The following C6orf141 variants were observed in gnomAD, a reference collection of about 807,000 sequenced individuals.
The protein encoded by C6orf141 is chromosome 6 open reading frame 141.
For synonymous variants in C6orf141, 164 were observed against 140.5 expected, an observed-to-expected ratio of 1.17 and a Z score of -1.18; for missense variants, 361 against 335.8, an observed-to-expected ratio of 1.07 and a Z score of -0.59.
chr6:49,551,620 C>T lies in C6orf141; in HGVS notation c.*93C>T. ...GGAGCTCCAACCTGCAATTAACCTA[C>T]AGAAGGAACCTTTTGAGAGGCTGGT... is the stretch of plus-strand genomic sequence containing the variant. On this transcript the variant is annotated 3_prime_UTR_variant, in exon 1 of 1. Coordinates refer to ENST00000529246, the MANE Select transcript of C6orf141 (RefSeq NM_001145652.2). 2.0e-6 allele frequency: 3 copies of T among 1,506,564 alleles called. No individual in the cohort carries two copies. The highest frequency in any genetic ancestry group is 2.7e-6 in the Non-Finnish European group (3 of 1,131,456). 93.3% of individuals were successfully genotyped at this position (1,506,564 alleles called of 1,614,324 possible). A position where few individuals can be genotyped will look rare whatever the true frequency, so the allele number is the denominator to read the frequency against.
intron 4 of C6orf141, among the ~76,000 whole-genome samples, chr6:49,558,716 G>A (rs756552132): frequency 1.3e-5 from 2 of 151,220 alleles, no homozygotes; most frequent in African/African-American, 4.9e-5. Flanking sequence ...ATTTTTTTTG[G>A]GGGGGGTGCG....
At chr6:49,558,066 T>TC (rs1402308117) in intron 4 of C6orf141, among the ~76,000 whole-genome samples, 4 of 135,182 alleles carry the variant, frequency 3.0e-5, no homozygotes, top group African/African-American at 5.5e-5. Context: ...TATGTTTTTT[T>TC]TTTTTTTTTT....
rs528519135 is a variant in C6orf141, at chr6:49,558,929, G to T, written c.*764-2775G>T. Among the ~76,000 whole-genome samples the T allele has an allele frequency of 7.3e-5, 11 of 151,416 alleles. No homozygotes were observed. In the South Asian group the frequency reaches 2.1e-3, roughly 29 times the overall value. ...TCACTGTGTTAGCCAGGATGGTCTC[G>T]ATCTCCTGAACTCGTGATCCACCTG... On this transcript the variant is annotated intron_variant and NMD_transcript_variant, in intron 4 of 4. Transcript: ENST00000371194.
chr6:49,555,656 T>C (rs960811473), downstream of C6orf141, among the ~76,000 whole-genome samples: 1 of 152,080 alleles, frequency 6.6e-6, no homozygotes, highest in African/African-American at 2.4e-5. Flanking sequence ...CTACAGGCGC[T>C]CGCCATCACG....
At chr6:49,559,572 C>G (rs2127321258) in intron 4 of C6orf141, among the ~76,000 whole-genome samples, 1 of 152,164 alleles carries the variant, frequency 6.6e-6, no homozygotes, top group South Asian at 2.1e-4. Flanking sequence ...TACCTTTAGA[C>G]TGCGTGACTT....
At chr6:49,558,922 T>C (rs1308404085) in intron 4 of C6orf141, among the ~76,000 whole-genome samples, 3 of 151,562 alleles carry the variant, frequency 2.0e-5, no homozygotes, top group Non-Finnish European at 4.4e-5. Flanking sequence ...TTAGCCAGGA[T>C]GGTCTCGATC....
rs550840004 is a variant in C6orf141 at position 49,558,997 on chromosome 6, A to G, written c.*764-2707A>G. 4.6e-5 allele frequency among the ~76,000 whole-genome samples: 7 copies of G among 151,702 alleles called. 1 individual carries two copies. Among genetic ancestry groups the G allele is most frequent in the Admixed American group, 4.6e-4 (7 of 15,214 alleles). On this transcript the variant is annotated intron_variant and NMD_transcript_variant, in intron 4 of 4. Coordinates refer to the C6orf141 transcript ENST00000371194. The stretch of plus-strand genomic sequence containing the variant: ...GGTGGGATTACAGGCATGAGCCACC[A>G]TGCCCAGCCTTCAGTTTACTCTTCA...
chr6:49,552,269 T>C (rs1341981780), downstream of C6orf141: 1 of 152,366 alleles, frequency 6.6e-6, no homozygotes, highest in East Asian at 1.9e-4. Context: ...AATATGTAGT[T>C]TGCCATAAAA....
At chr6:49,557,639 G>A (rs553232529) in intron 4 of C6orf141, among the ~76,000 whole-genome samples, 16 of 152,224 alleles carry the variant, frequency 1.1e-4, no homozygotes, top group Non-Finnish European at 1.9e-4. Flanking sequence ...ACTGTGAAGT[G>A]TAATCACTGA....
At position 49,551,371 on chromosome 6, in the gene C6orf141, C is replaced by T; in HGVS notation, c.579C>T (p.Leu193=). The T allele has an allele frequency of 6.4e-7, 1 of 1,551,704 alleles. No homozygotes were observed. The highest frequency in any genetic ancestry group is 8.7e-7 in the Non-Finnish European group (1 of 1,146,982). ...CTGAGGAGCACTTCGTGACCGCGCT[C>T]ACTTTTCGCAGCAGTAGAGAGGGAC... ...TRTEEHFVTA[L]TFRSSREGQP... is the part of the protein sequence containing the mutation. Residue 193 remains leucine (L), a synonymous_variant, in exon 1 of 1, where the codon CTC becomes CTT. Coordinates refer to ENST00000529246, the MANE Select transcript of C6orf141 (RefSeq NM_001145652.2).
chr6:49,558,057 A>ATG (rs1772333099), intron 4 of C6orf141, among the ~76,000 whole-genome samples: 1 of 86,394 alleles, frequency 1.2e-5, no homozygotes, highest in Admixed American at 1.4e-4. Context: ...ACACTCAAAT[A>ATG]TGTTTTTTTT....
chr6:49,551,079 A>G lies in C6orf141; in HGVS notation c.287A>G (p.Glu96Gly). 6.4e-7 allele frequency: 1 copy of G among 1,551,588 alleles called. No individual in the cohort carries two copies. The highest frequency in any genetic ancestry group is 8.7e-7 in the Non-Finnish European group (1 of 1,146,972). Reference protein sequence around the residue: ...REKVLFLLHPERWLGTRGDPA... With the variant: ...REKVLFLLHPGRWLGTRGDPA... ...AAAGTGCTCTTTCTCCTGCACCCAG[A>G]GAGGTGGTTAGGGACTCGAGGGGAC... The change falls in exon 1 of 1, where the codon GAG becomes GGG. Residue 96 changes from glutamate to glycine, a missense_variant. By Grantham distance (98) the Glu-to-Gly change is moderately conservative (BLOSUM62 -2). Transcript: ENST00000529246.
chr6:49,553,711 G>A (rs1167103797), downstream of C6orf141, among the ~76,000 whole-genome samples: 1 of 151,966 alleles, frequency 6.6e-6, no homozygotes, highest in Non-Finnish European at 1.5e-5. Context: ...TGGGCAAGTT[G>A]CCTTATCTCT....
chr6:49,551,890 A>G lies in C6orf141; in HGVS notation c.*363A>G. ...TCTTGTTTCTCTTTAGGACCTAGAA[A>G]CAGAAGTGAAGTTTGAAGTCTGCTC... On this transcript the variant is annotated 3_prime_UTR_variant, in exon 1 of 1. Coordinates refer to ENST00000529246, the MANE Select transcript of C6orf141 (RefSeq NM_001145652.2). 9.0e-7 allele frequency: 1 copy of G among 1,112,756 alleles called. No individual in the cohort carries two copies. Among genetic ancestry groups the G allele is most frequent in the African/African-American group, 1.7e-5 (1 of 59,468 alleles). The allele number at this position is 1,112,756 out of a possible 1,614,324, so 68.9% of individuals were successfully genotyped here.
intron 4 of C6orf141, among the ~76,000 whole-genome samples, chr6:49,559,471 T>C (rs1772836392): frequency 1.3e-5 from 2 of 152,024 alleles, no homozygotes; most frequent in South Asian, 4.2e-4. Context: ...GGATGAGTGC[T>C]ACTTACTGAA....
Position 49,551,637 on chromosome 6 carries a change from G to A in C6orf141, c.*110G>A. ...TTAACCTACAGAAGGAACCTTTTGA[G>A]AGGCTGGTGCAGCGCTTCGGGGAGG... On this transcript the variant is annotated 3_prime_UTR_variant, in exon 1 of 1. Transcript: ENST00000529246. The A allele has an allele frequency of 6.7e-7, 1 of 1,494,762 alleles. No homozygotes were observed. The highest frequency in any genetic ancestry group is 1.3e-5 in the South Asian group (1 of 74,320). 92.6% of individuals were successfully genotyped at this position (1,494,762 alleles called of 1,614,324 possible).
In C6orf141 at chr6:49,551,029, G is replaced by A; in HGVS notation, c.237G>A (p.Leu79=). Residue 79 remains leucine (L), a synonymous_variant, in exon 1 of 1, where the codon TTG becomes TTA. Coordinates refer to ENST00000529246, the MANE Select transcript of C6orf141 (RefSeq NM_001145652.2). ...RALGPRAGEE[L]DRESWVREKV... ...TCGGACCTCGGGCCGGGGAGGAATT[G>A]GACCGTGAGTCCTGGGTCAGAGAGA... The A allele has an allele frequency of 6.4e-7, 1 of 1,551,464 alleles. No individual in the cohort carries two copies.
At chr6:49,554,304 T>G (rs367611321), downstream of C6orf141, among the ~76,000 whole-genome samples, 1 of 152,248 alleles carries the variant, frequency 6.6e-6, no homozygotes, top group Non-Finnish European at 1.5e-5. Context: ...AGACACAATT[T>G]GTTTTCATTT....
downstream of C6orf141, chr6:49,555,202 C>G (rs1015052611): frequency 2.3e-4 from 35 of 152,216 alleles, no homozygotes; most frequent in African/African-American, 8.0e-4. Flanking sequence ...CAACCATGAT[C>G]TCCTTTTGGG....
Sources: gnomAD v4.1 joint callset for allele counts (sites outside exome capture counted in the v4.1 genomes callset) on GRCh38, gnomAD v4.1.1 for gene constraint, MANE v1.5 for transcripts, NCBI Gene and HGNC (gene_info 2026-07-23, HGNC 2026-07-21) for gene names.